Variants in EEF1A2 observed in about 807,000 individuals in gnomAD.
EEF1A2 encodes the protein eukaryotic translation elongation factor 1 alpha 2.
In EEF1A2, 5 loss-of-function variants were observed where a neutral mutation model predicts 39.3. The observed-to-expected ratio is 0.13, with a 90% CI of 0.07 to 0.27. EEF1A2 has a LOEUF of 0.27. Ranked by LOEUF, EEF1A2 falls within the 10% of genes least tolerant of loss-of-function variation. The pLI is 1.00. For synonymous variants in EEF1A2, 287 were observed against 293.7 expected, an observed-to-expected ratio of 0.98 and a Z score of 0.23; for missense variants, 218 against 681.4, an observed-to-expected ratio of 0.32 and a Z score of 7.57.
intron 6 of EEF1A2, chr20:63,490,068 T>TTTTTTTTTTTTTTTTTTTTTTTTTC (rs1491473743): frequency 1.5e-5 from 1 of 66,720 alleles, no homozygotes; most frequent in Non-Finnish European, 3.4e-5. Context: ...GTCCCTTTTC[T>TTTTTTTTTTTTTTTTTTTTTTTTTC]TTTTTTTTTT....
In EEF1A2 at chr20:63,497,617, C is replaced by A; in HGVS notation, c.144+3G>T. The A allele has an allele frequency of 6.2e-7, 1 of 1,611,354 alleles. No homozygotes were observed. The highest frequency in any genetic ancestry group is 1.1e-5 in the South Asian group (1 of 90,808). ...GGCCAAGACCATAGCCTGGGGAGCT[C>A]ACCTCAGCCGCCTCCTTCTCGAACT... is the stretch of plus-strand genomic sequence containing the variant. On this transcript the variant is annotated splice_donor_region_variant and intron_variant, in intron 2 of 7. Coordinates refer to ENST00000217182, the MANE Select transcript of EEF1A2 (RefSeq NM_001958.5). The surrounding 1 kb of genome is among the most constrained non-coding windows in gnomAD (Gnocchi z 7.3).
rs1425574176 is a variant in EEF1A2, at chr20:63,494,816, G to A, written c.610C>T (p.Pro204Ser). ...SGWHGDNMLE[P>S]SPNMPWFKGW... is the part of the protein sequence containing the mutation. ...TAGCCGCCACTCACGTTGGGGGAGGGCTCCAGCATGTTGTCACCGTGCCAG... is the reference window on the plus strand; with the variant it reads ...TAGCCGCCACTCACGTTGGGGGAGGACTCCAGCATGTTGTCACCGTGCCAG... The change falls in exon 4 of 8, where the codon CCC becomes TCC. Residue 204 changes from proline (P) to serine (S), a missense_variant. By Grantham distance (74) the Pro-to-Ser change is moderately conservative (BLOSUM62 -1). Transcript: ENST00000217182. The A allele has an allele frequency of 1.2e-6, 2 of 1,610,440 alleles. No individual in the cohort carries two copies. The highest frequency in any genetic ancestry group is 1.7e-6 in the Non-Finnish European group (2 of 1,178,642).
At chr20:63,488,780 C>T (rs956009422) in intron 7 of EEF1A2, 138 bp downstream of exon 7, 2 of 978,230 alleles carry the variant, frequency 2.0e-6, no homozygotes, top group Non-Finnish European at 3.0e-6. Context: ...CCGTGGCTCT[C>T]CTGCCATGCT....
At position 63,498,835 on chromosome 20, in the gene EEF1A2, G is replaced by A. The variant is rs1417933508; in HGVS notation, c.-72+223C>T. ...AGGGTCCCCGCGGCCCCAAGGTCAC[G>A]GCTACGGGGCGATCGCCGCCCAGGA... On this transcript the variant is annotated intron_variant, in intron 1 of 7. Transcript: ENST00000217182. This position sits in a 1 kb window ranked among gnomAD's most constrained non-coding sequence, Gnocchi z 4.1. 6.6e-6 allele frequency: 1 copy of A among 150,890 alleles called. No homozygotes were observed. The highest frequency in any genetic ancestry group is 2.4e-5 in the African/African-American group (1 of 41,156). 9.3% of individuals were successfully genotyped at this position (150,890 alleles called of 1,614,324 possible).
intron 5 of EEF1A2, among the ~76,000 whole-genome samples, chr20:63,491,025 G>A (rs2082376250): frequency 6.6e-6 from 1 of 152,364 alleles, no homozygotes; most frequent in South Asian, 2.1e-4. Flanking sequence ...GAAGCGGGAG[G>A]ATGGGCAGAG....
chr20:63,490,344 C>T (rs1036196302), intron 6 of EEF1A2, 135 bp downstream of exon 6: 36 of 1,143,750 alleles, frequency 3.1e-5, no homozygotes, highest in South Asian at 2.6e-4. Flanking sequence ...GGATTACAGG[C>T]GTGAACCACT....
Position 63,492,207 on chromosome 20 carries a change from T to G in EEF1A2, c.772+930A>C, listed in dbSNP as rs1466087389. Among the ~76,000 whole-genome samples the G allele has an allele frequency of 2.3e-5, 3 of 133,002 alleles. 1 individual carries two copies. The highest frequency in any genetic ancestry group is 6.5e-5 in the African/African-American group (2 of 30,686). 87.3% of individuals were successfully genotyped at this position (133,002 alleles called of 152,430 possible). A position where few individuals can be genotyped will look rare whatever the true frequency, so the allele number is the denominator to read the frequency against. ...GTGGATAGATGGATGGATGGATGGA[T>G]GGATAAATGGATGGATGGAAGGATG... On this transcript the variant is annotated intron_variant, in intron 5 of 7. Transcript: ENST00000217182.
Position 63,497,490 on chromosome 20 carries a change from G to A in EEF1A2, c.144+130C>T, listed in dbSNP as rs112784217. ...CTCTGAGGCCTGAGTGCCCCACAGC[G>A]GGGGTCCCTCCTGCCCTGGAGGAGG... On this transcript the variant is annotated intron_variant, in intron 2 of 7. Transcript: ENST00000217182. The surrounding 1 kb of genome is among the most constrained non-coding windows in gnomAD (Gnocchi z 7.3). 3.0e-4 allele frequency: 428 copies of A among 1,418,006 alleles called. 1 individual carries two copies. In the African/African-American group the frequency reaches 5.4e-3, roughly 18 times the overall value. 87.8% of individuals were successfully genotyped at this position (1,418,006 alleles called of 1,614,324 possible). A position where few individuals can be genotyped will look rare whatever the true frequency, so the allele number is the denominator to read the frequency against.
chr20:63,493,346 G>A (rs2082399955), intron 4 of EEF1A2, 59 bp from the exon 5 acceptor site: 9 of 1,458,228 alleles, frequency 6.2e-6, no homozygotes, highest in Middle Eastern at 1.8e-4. Flanking sequence ...CCCACCCTCA[G>A]GCCTCCCCAG....
chr20:63,497,461 G>T lies in EEF1A2; in HGVS notation c.144+159C>A. Reference sequence around the variant, plus strand: ...CCCTAAGAGAGAGGCTGCCCCACCAGACCCTCTGAGGCCTGAGTGCCCCAC... The same window carrying T: ...CCCTAAGAGAGAGGCTGCCCCACCATACCCTCTGAGGCCTGAGTGCCCCAC... On this transcript the variant is annotated intron_variant, in intron 2 of 7. Transcript: ENST00000217182. The surrounding 1 kb of genome is among the most constrained non-coding windows in gnomAD (Gnocchi z 7.3). 1 of 1,182,062 alleles carries T rather than the reference G, an allele frequency of 8.5e-7. No individual in the cohort carries two copies. Among genetic ancestry groups the T allele is most frequent in the Non-Finnish European group, 1.2e-6 (1 of 864,574 alleles). 73.2% of individuals were successfully genotyped at this position (1,182,062 alleles called of 1,614,324 possible). A position where few individuals can be genotyped will look rare whatever the true frequency, so the allele number is the denominator to read the frequency against.
chr20:63,492,211 T>G (rs55831530), intron 5 of EEF1A2, among the ~76,000 whole-genome samples: 31,247 of 31,348 alleles, frequency 1, 15,582 homozygotes, highest in East Asian at 1. Context: ...GATGGATGGA[T>G]AAATGGATGG....
Position 63,488,306 on chromosome 20 carries a change from C to A in EEF1A2, c.1384G>T (p.Gly462Cys). 7.2e-7 allele frequency: 1 copy of A among 1,385,936 alleles called. No individual in the cohort carries two copies. 85.9% of individuals were successfully genotyped at this position (1,385,936 alleles called of 1,614,324 possible). A position where few individuals can be genotyped will look rare whatever the true frequency, so the allele number is the denominator to read the frequency against. Residue 462 changes from glycine to cysteine, a missense_variant, in exon 8 of 8, where the codon GGC (glycine) becomes TGC (cysteine). Physicochemically the swap from Gly to Cys is radical, Grantham distance 159. Transcript: ENST00000217182. Reference sequence around the variant, plus strand: ...CCGCGGGCGCCCGCGCTTCACTTGCCCGCCTTCTGCGCCTTCTGCGCCGAC... The same window carrying A: ...CCGCGGGCGCCCGCGCTTCACTTGCACGCCTTCTGCGCCTTCTGCGCCGAC... ...TKSAQKAQKA[G>C]K
chr20:63,495,227 C>T lies in EEF1A2; in HGVS notation c.325-126G>A, dbSNP rs112306422. ...TGGGGCCTGAGCAGCCCACTGGGGC[C>T]TTGGGGAGGGAGGCATGGGGGTCCC... On this transcript the variant is annotated intron_variant, in intron 3 of 7. Transcript: ENST00000217182. 540 of 1,373,446 alleles carry T rather than the reference C, an allele frequency of 3.9e-4. 1 individual carries two copies. In the African/African-American group the frequency reaches 7.2e-3, roughly 18 times the overall value. 85.1% of individuals were successfully genotyped at this position (1,373,446 alleles called of 1,614,324 possible).
intron 4 of EEF1A2, 44 bp downstream of exon 4, chr20:63,494,761 T>C (rs2145944651): frequency 1.3e-6 from 2 of 1,576,156 alleles, no homozygotes. Context: ...GGCCAGGGGG[T>C]CCAGCCAGCT....
intron 5 of EEF1A2, among the ~76,000 whole-genome samples, chr20:63,492,905 G>A (rs1248008124): frequency 6.8e-6 from 1 of 146,334 alleles, no homozygotes; most frequent in Non-Finnish European, 1.5e-5. Flanking sequence ...TGGATGGATA[G>A]ATAGATGGAT....
chr20:63,496,125 C>T (rs1370896683), intron 2 of EEF1A2, 90 bp from the exon 3 acceptor site: 11 of 1,485,444 alleles, frequency 7.4e-6, no homozygotes, highest in East Asian at 4.6e-5. Flanking sequence ...AGAGTGGCCG[C>T]GAGAGGCGGG....
rs1430210772 is a variant in EEF1A2, at chr20:63,493,123, G to A, written c.772+14C>T. The A allele has an allele frequency of 1.0e-5, 16 of 1,545,888 alleles. No homozygotes were observed. Among genetic ancestry groups the A allele is most frequent in the Non-Finnish European group, 1.2e-5 (14 of 1,144,880 alleles). ...CTGGCCAGGCAGGAGCTCCAGCACA[G>A]CGCCCTTGCTCACCGCCAATCTTGT... On this transcript the variant is annotated intron_variant, in intron 5 of 7. Coordinates refer to ENST00000217182, the MANE Select transcript of EEF1A2 (RefSeq NM_001958.5).
At chr20:63,491,850 A>AG (rs2082381122) in intron 5 of EEF1A2, among the ~76,000 whole-genome samples, 1 of 132,202 alleles carries the variant, frequency 7.6e-6, no homozygotes. Context: ...GGGTGGATGA[A>AG]TGGATGGATG....
At chr20:63,488,557 T>G in intron 7 of EEF1A2, 132 bp from the exon 8 acceptor site, 3 of 1,228,450 alleles carry the variant, frequency 2.4e-6, no homozygotes, top group Non-Finnish European at 3.2e-6. Flanking sequence ...AGCGCGCCCC[T>G]GTGAAGACGG....
Sources: allele counts gnomAD v4.1 joint callset (sites outside exome capture counted in the v4.1 genomes callset), GRCh38; gene constraint gnomAD v4.1.1; non-coding constraint Gnocchi (gnomAD v3.1); transcripts MANE v1.5; gene names NCBI Gene and HGNC (gene_info 2026-07-23, HGNC 2026-07-21).